The following PRC1 variants were observed in gnomAD, a reference collection of about 807,000 sequenced individuals.
The protein encoded by PRC1 is protein regulator of cytokinesis 1.
PRC1 carries 54 observed loss-of-function variants against 91.2 expected under a neutral mutation model. The ratio of observed to expected loss-of-function variants is 0.59; its 90% CI spans 0.48 to 0.74. The LOEUF is 0.74. PRC1 is among the 30% of genes least tolerant of loss of function. The pLI, the probability that PRC1 is intolerant of heterozygous loss-of-function variation, is 0.00. For synonymous variants in PRC1, 275 were observed against 263.6 expected (o/e 1.04, Z -0.42); for missense variants, 727 against 746.2 (o/e 0.97, Z 0.30).
rs2039471109 is a variant in PRC1 at position 90,984,903 on chromosome 15, A to G, written c.12-78T>C. On this transcript the variant is annotated intron_variant, in intron 1 of 14. Coordinates refer to ENST00000394249, the MANE Select transcript of PRC1 (RefSeq NM_003981.4). The surrounding 1 kb of genome is among the most constrained non-coding windows in gnomAD (Gnocchi z 5.1). ...TAAAAGCACTATTTTCGAGAACTAA[A>G]AAGACTAGCTTCTCAGTGGCCTCGA... 3.4e-5 allele frequency: 53 copies of G among 1,554,380 alleles called. No homozygotes were observed. The highest frequency in any genetic ancestry group is 4.5e-5 in the Non-Finnish European group (52 of 1,148,458).
intron 5 of PRC1, 152 bp from the exon 6 acceptor site, chr15:90,981,185 G>T: frequency 1.9e-6 from 2 of 1,050,386 alleles, no homozygotes; most frequent in South Asian, 1.7e-5. Context: ...AACACGAGCT[G>T]TAAGGCTGTC....
At position 90,979,246 on chromosome 15, in the gene PRC1, C is replaced by G; in HGVS notation, c.1019G>C (p.Arg340Pro). The change falls in exon 8 of 15, where the codon CGG becomes CCG. Residue 340 changes from arginine (R) to proline (P), a missense_variant. Physicochemically the swap from Arg to Pro is moderately radical, Grantham distance 103 (BLOSUM62 -2). Transcript: ENST00000394249. ...GTGAACTTCATAGTAGTTTTTTAAC[C>G]GCACAATCTCAGCATCGTGGAGCTG... The part of the protein sequence containing the change: ...LLQLHDAEIV[R>P]LKNYYEVHKE... The G allele has an allele frequency of 6.2e-7, 1 of 1,614,132 alleles. No individual in the cohort carries two copies. Among genetic ancestry groups the G allele is most frequent in the Non-Finnish European group, 8.5e-7 (1 of 1,180,006 alleles).
intron 1 of PRC1, among the ~76,000 whole-genome samples, chr15:90,987,066 G>C (rs1185525211): frequency 6.7e-6 from 1 of 149,534 alleles, no homozygotes; most frequent in Non-Finnish European, 1.5e-5. Context: ...TTGAGCCCAG[G>C]AGTTTCAGAT....
rs924441715 is a variant in PRC1, at chr15:90,994,491, C to A, written c.-74G>T. The A allele has an allele frequency of 3.9e-6, 6 of 1,538,146 alleles. No individual in the cohort carries two copies. The highest frequency in any genetic ancestry group is 1.7e-4 in the Middle Eastern group (1 of 5,834). On this transcript the variant is annotated 5_prime_UTR_variant, in exon 1 of 15. Transcript: ENST00000394249. ...CGGCCCCGAGAGCAACAACCACCCG[C>A]AAACACCGGCGATGTCACTCCGCGT...
intron 3 of PRC1, 41 bp downstream of exon 3, chr15:90,983,976 GC>G: frequency 6.2e-7 from 1 of 1,608,704 alleles, no homozygotes; most frequent in Non-Finnish European, 8.5e-7. Context: ...TAAGTCTCAG[GC>G]CCCAGACAGA....
chr15:90,985,355 C>A (rs1191362595), intron 1 of PRC1, among the ~76,000 whole-genome samples: 1 of 151,564 alleles, frequency 6.6e-6, no homozygotes, highest in East Asian at 1.9e-4. Flanking sequence ...CTCAGCCTCC[C>A]GAGTAGGTGG....
intron 8 of PRC1, among the ~76,000 whole-genome samples, chr15:90,977,580 T>G (rs1294266648): frequency 3.5e-5 from 5 of 141,478 alleles, no homozygotes; most frequent in African/African-American, 1.3e-4. Flanking sequence ...ATTTACGTTT[T>G]TTTTTTTTTT....
At chr15:90,968,915 T>C (rs1338862894) in intron 14 of PRC1, 164 bp downstream of exon 14, 7 of 1,454,264 alleles carry the variant, frequency 4.8e-6, no homozygotes, top group Non-Finnish European at 6.4e-6. Flanking sequence ...TAATCTGTTG[T>C]GAATGTAAAT....
At chr15:90,973,213 T>G in intron 11 of PRC1, 1 of 152,402 alleles carries the variant, frequency 6.6e-6, no homozygotes, top group Admixed American at 6.5e-5. Flanking sequence ...GAGATGCTGT[T>G]AATCTGCAAC....
chr15:90,970,774 G>A (rs1222801400), intron 11 of PRC1, among the ~76,000 whole-genome samples: 2 of 152,200 alleles, frequency 1.3e-5, no homozygotes, highest in Admixed American at 6.5e-5. Context: ...ATATGACCCA[G>A]CCATTCCACT....
chr15:90,970,287 G>A, intron 12 of PRC1, 117 bp downstream of exon 12: 1 of 749,614 alleles, frequency 1.3e-6, no homozygotes, highest in Non-Finnish European at 2.3e-6. Context: ...TCAACTCTCA[G>A]CATCTCAATA....
In PRC1 at chr15:90,980,931, CTTCTCT is replaced by C; in HGVS notation, c.769_774del (p.Arg257_Glu258del). On this transcript the variant is annotated inframe_deletion, in exon 6 of 15. Coordinates refer to ENST00000394249, the MANE Select transcript of PRC1 (RefSeq NM_003981.4). ...GACCCAGACATAATGGTGGCCACAG[CTTCTCT>C]TTCTTCTTCAGGTATTTGCAACCTG... The C allele has an allele frequency of 6.2e-7, 1 of 1,614,210 alleles. No individual in the cohort carries two copies. The highest frequency in any genetic ancestry group is 8.5e-7 in the Non-Finnish European group (1 of 1,180,040).
Position 90,974,094 on chromosome 15 carries a change from C to A in PRC1, c.1461+42G>T. On this transcript the variant is annotated intron_variant, in intron 11 of 14. Transcript: ENST00000394249. This position sits in a 1 kb window ranked among gnomAD's most constrained non-coding sequence, Gnocchi z 4.6. ...AAGAGGTGGCTGGGACTACCCTCAC[C>A]CACTCCCTTGAAATCAGTGTTTCCC... 1 of 1,563,458 alleles carries A rather than the reference C, an allele frequency of 6.4e-7. No homozygotes were observed. The highest frequency in any genetic ancestry group is 8.8e-7 in the Non-Finnish European group (1 of 1,134,608).
rs1415513222 is a variant in PRC1 at position 90,980,359 on chromosome 15, G to A, written c.853C>T (p.Leu285=). 1 of 1,613,986 alleles carries A rather than the reference G, an allele frequency of 6.2e-7. No homozygotes were observed. The highest frequency in any genetic ancestry group is 8.5e-7 in the Non-Finnish European group (1 of 1,180,008). The change falls in exon 7 of 15, where the codon CTG becomes TTG. Residue 285 remains leucine (L), a synonymous_variant. Transcript: ENST00000394249. The stretch of plus-strand genomic sequence containing the variant: ...ACTTTCTTCATGTTTTGCATTTTCA[G>A]TTCTTCCAACCGATCCACTTCTAAT... ...LQLEVDRLEE[L]KMQNMKKVIE...
At chr15:90,992,447 T>C (rs891018125) in intron 1 of PRC1, among the ~76,000 whole-genome samples, 8 of 152,140 alleles carry the variant, frequency 5.3e-5, no homozygotes, top group Non-Finnish European at 1.0e-4. Flanking sequence ...AGAGACAGGG[T>C]CTTGCTATGT....
rs74039191 is a variant in PRC1 at position 90,978,373 on chromosome 15, C to T, written c.1107+785G>A. 8.0e-3 allele frequency among the ~76,000 whole-genome samples: 1,222 copies of T among 152,222 alleles called. 23 individuals are homozygous for T. Among genetic ancestry groups the T allele is most frequent in the African/African-American group, 0.028 (1,156 of 41,526 alleles). On this transcript the variant is annotated intron_variant, in intron 8 of 14. Transcript: ENST00000394249. ...AGCAGGTGACAGAGCATGTGAGCCA[C>T]GGTGCTGTGAAGAGAGCCGGGAAGA...
At position 90,966,122 on chromosome 15, in the gene PRC1, TA is replaced by T. The variant is rs1472041825; in HGVS notation, c.*1008del. The stretch of plus-strand genomic sequence containing the variant: ...AAAAACAGGACACGTACTGTATGAG[TA>T]AACAGCGTGGCTAACACCAAGTCCA... On this transcript the variant is annotated 3_prime_UTR_variant, in exon 15 of 15. Coordinates refer to ENST00000394249, the MANE Select transcript of PRC1 (RefSeq NM_003981.4). The T allele has an allele frequency of 6.4e-6, 1 of 155,074 alleles. No homozygotes were observed. The highest frequency in any genetic ancestry group is 1.4e-5 in the Non-Finnish European group (1 of 69,702). The allele number at this position is 155,074 out of a possible 1,614,324, so 9.6% of individuals were successfully genotyped here. A position where few individuals can be genotyped will look rare whatever the true frequency, so the allele number is the denominator to read the frequency against.
At chr15:90,973,767 C>T (rs2038399962) in intron 11 of PRC1, among the ~76,000 whole-genome samples, 1 of 152,130 alleles carries the variant, frequency 6.6e-6, no homozygotes, top group Admixed American at 6.5e-5. Flanking sequence ...CATCTAGGCA[C>T]AGTACCTTCC....
At chr15:90,981,173 T>C in intron 5 of PRC1, 140 bp from the exon 6 acceptor site, 1 of 1,132,870 alleles carries the variant, frequency 8.8e-7, no homozygotes, top group Non-Finnish European at 1.2e-6. Flanking sequence ...TCATGCCTCC[T>C]AAACACGAGC....
Sources: allele counts gnomAD v4.1 joint callset (sites outside exome capture counted in the v4.1 genomes callset), GRCh38; gene constraint gnomAD v4.1.1; non-coding constraint Gnocchi (gnomAD v3.1); transcripts MANE v1.5; gene names NCBI Gene and HGNC (gene_info 2026-07-23, HGNC 2026-07-21).